EFCAB8: variants seen among roughly 807,000 people sequenced by gnomAD.
EFCAB8 encodes EF-hand calcium binding domain 8, also known as EF-hand calcium-binding domain-containing protein 8.
In EFCAB8, 100 loss-of-function variants were observed where a neutral mutation model predicts 116.3. The observed-to-expected ratio is 0.86, with a 90% confidence interval of 0.73 to 1.02. The LOEUF (loss-of-function observed/expected upper bound fraction) is 1.02, where lower values mean the gene tolerates loss of function less well. Ranked by LOEUF, EFCAB8 falls within the 50% of genes least tolerant of loss-of-function variation. The pLI is 0.00. For synonymous variants in EFCAB8, 558 were observed against 567.9 expected, an observed-to-expected ratio of 0.98 and a Z score of 0.25; for missense variants, 1,320 against 1,416.9, an observed-to-expected ratio of 0.93 and a Z score of 1.10.
chr20:32,939,386 G>A (rs1988312212), intron 22 of EFCAB8, among the ~76,000 whole-genome samples: 1 of 145,366 alleles, frequency 6.9e-6, no homozygotes, highest in Non-Finnish European at 1.5e-5. Flanking sequence ...AGGTTCAAAC[G>A]ATTTTCCTGC....
chr20:32,932,128 C>T (rs1228603853), intron 22 of EFCAB8, among the ~76,000 whole-genome samples: 1 of 152,152 alleles, frequency 6.6e-6, no homozygotes, highest in Non-Finnish European at 1.5e-5. Flanking sequence ...CCTGTAATCC[C>T]AGCACTTTGG....
intron 26 of EFCAB8, 71 bp downstream of exon 26, chr20:32,960,232 C>T: frequency 1.4e-6 from 2 of 1,380,164 alleles, no homozygotes; most frequent in Non-Finnish European, 2.0e-6. Context: ...CACCAGCAGC[C>T]ACCCTTGTGC....
rs1987853771 is a variant in EFCAB8 at position 32,930,468 on chromosome 20, A to G, written c.2483A>G (p.Tyr828Cys). 1 of 1,551,796 alleles carries G rather than the reference A, an allele frequency of 6.4e-7. No homozygotes were observed. The highest frequency in any genetic ancestry group is 1.4e-5 in the African/African-American group (1 of 73,064). ...CTGCTGAGCAGCTGCATGGACGGCT[A>G]CATCTACGCCTGGTCCCTCCATGAG... ...AALLSSCMDGYIYAWSLHENG... is the reference protein window; with the variant it reads ...AALLSSCMDGCIYAWSLHENG... Residue 828 changes from tyrosine (Y) to cysteine (C), a missense_variant, in exon 21 of 27, where the codon TAC becomes TGC. Transcript: ENST00000400522.
In EFCAB8 at chr20:32,961,284, G is replaced by A; in HGVS notation, c.3542G>A (p.Arg1181Lys). Reference protein sequence around the residue: ...HHVQKDLVPSREQAVLDTTDS... With the variant: ...HHVQKDLVPSKEQAVLDTTDS... ...GTCCAGAAGGACCTGGTGCCCAGCAGGGAGCAGGCTGTGCTGGATACCACG... is the reference window on the plus strand; with the variant it reads ...GTCCAGAAGGACCTGGTGCCCAGCAAGGAGCAGGCTGTGCTGGATACCACG... Residue 1181 changes from arginine to lysine, a missense_variant, in exon 27 of 27, where the codon AGG (arginine) becomes AAG (lysine). Arg to Lys is a conservative substitution (Grantham distance 26). Transcript: ENST00000400522. 1.9e-6 allele frequency: 3 copies of A among 1,549,272 alleles called. No homozygotes were observed. Among genetic ancestry groups the A allele is most frequent in the Non-Finnish European group, 2.6e-6 (3 of 1,145,698 alleles).
intron 9 of EFCAB8, among the ~76,000 whole-genome samples, chr20:32,894,597 A>G (rs1477535691): frequency 1.3e-5 from 2 of 152,220 alleles, no homozygotes; most frequent in African/African-American, 4.8e-5. Context: ...AGGTGGGCCC[A>G]GTGTATGGAC....
At chr20:32,925,803 G>T (rs774178985) in intron 20 of EFCAB8, among the ~76,000 whole-genome samples, 1 of 152,360 alleles carries the variant, frequency 6.6e-6, no homozygotes, top group South Asian at 2.1e-4. Context: ...CCACAGGGAG[G>T]CCATTAACCC....
At chr20:32,933,686 A>G (rs1160121392) in intron 22 of EFCAB8, among the ~76,000 whole-genome samples, 1 of 152,138 alleles carries the variant, frequency 6.6e-6, no homozygotes, top group African/African-American at 2.4e-5. Context: ...TCTTTTTAAA[A>G]ACCTCTTTTT....
At chr20:32,916,561 G>C (rs1463611986) in intron 17 of EFCAB8, among the ~76,000 whole-genome samples, 3 of 152,036 alleles carry the variant, frequency 2.0e-5, no homozygotes, top group African/African-American at 7.3e-5. Flanking sequence ...GCCTAGCCTA[G>C]GACCTCTTTT....
intron 20 of EFCAB8, 82 bp downstream of exon 20, chr20:32,920,297 GCCTGGGCTCGGGGC>G: frequency 6.7e-7 from 1 of 1,499,576 alleles, no homozygotes; most frequent in Non-Finnish European, 8.9e-7. Context: ...GGGCTCGGGG[GCCTGGGCTCGGGGC>G]CCGGCCTGAT....
intron 20 of EFCAB8, among the ~76,000 whole-genome samples, chr20:32,923,882 GA>G (rs1300050753): frequency 6.6e-6 from 1 of 152,126 alleles, no homozygotes; most frequent in Non-Finnish European, 1.5e-5. Context: ...GCATTGCAAT[GA>G]ATACCCTTGT....
chr20:32,883,193 A>G (rs1487462459), intron 5 of EFCAB8, among the ~76,000 whole-genome samples: 1 of 152,194 alleles, frequency 6.6e-6, no homozygotes, highest in African/African-American at 2.4e-5. Context: ...CATTTCTCTG[A>G]TATCACCCAA....
At chr20:32,938,818 G>T (rs1175553023) in intron 22 of EFCAB8, among the ~76,000 whole-genome samples, 1 of 149,914 alleles carries the variant, frequency 6.7e-6, no homozygotes, top group Admixed American at 6.6e-5. Flanking sequence ...TTGATTGGAA[G>T]ACTGGATGTT....
intron 23 of EFCAB8, among the ~76,000 whole-genome samples, chr20:32,948,603 A>G (rs1988699183): frequency 6.6e-6 from 1 of 151,982 alleles, no homozygotes; most frequent in Non-Finnish European, 1.5e-5. Context: ...AAGAAAGCAA[A>G]CTATCAATTA....
chr20:32,877,728 G>A (rs997553503), intron 4 of EFCAB8, among the ~76,000 whole-genome samples: 6 of 152,214 alleles, frequency 3.9e-5, no homozygotes, highest in African/African-American at 1.2e-4. Flanking sequence ...CAGTGGAATG[G>A]AGTCTGGAGT....
intron 5 of EFCAB8, among the ~76,000 whole-genome samples, chr20:32,880,906 T>C (rs1985300022): frequency 6.6e-6 from 1 of 152,066 alleles, no homozygotes; most frequent in Admixed American, 6.6e-5. Flanking sequence ...AACATATATA[T>C]ATATAAAACA....
At chr20:32,957,628 G>A (rs1045121364) in intron 23 of EFCAB8, among the ~76,000 whole-genome samples, 18 of 151,948 alleles carry the variant, frequency 1.2e-4, no homozygotes, top group Admixed American at 2.0e-4. Flanking sequence ...CCTGGTGCTC[G>A]GCAAATGTCC....
intron 22 of EFCAB8, among the ~76,000 whole-genome samples, chr20:32,935,192 CTTTTTTTTTT>C (rs753039647): frequency 2.9e-5 from 1 of 34,048 alleles, no homozygotes; most frequent in South Asian, 1.2e-3. Flanking sequence ...TTCTTTCTTT[CTTTTTTTTTT>C]TTTTTTTTTT....
At chr20:32,907,254 C>A in intron 13 of EFCAB8, 1 of 368,610 alleles carries the variant, frequency 2.7e-6, no homozygotes, top group Non-Finnish European at 3.8e-6. Flanking sequence ...CTCAGTCTCC[C>A]TATCCATAGA....
At chr20:32,889,669 T>C (rs1045158161) in intron 7 of EFCAB8, among the ~76,000 whole-genome samples, 7 of 152,234 alleles carry the variant, frequency 4.6e-5, no homozygotes, top group African/African-American at 1.7e-4. Context: ...CTCCTGCCTC[T>C]TGCCACTCCT....
Sources: allele counts gnomAD v4.1 joint callset (sites outside exome capture counted in the v4.1 genomes callset), GRCh38; gene constraint gnomAD v4.1.1; transcripts MANE v1.5; gene names NCBI Gene and HGNC (gene_info 2026-07-23, HGNC 2026-07-21).